The following CTBP2 variants were observed in gnomAD, a reference collection of about 807,000 sequenced individuals.
The protein encoded by CTBP2 is C-terminal binding protein 2.
Under a neutral mutation model 80.3 loss-of-function variants are expected in CTBP2, and 30 were observed. The ratio of observed to expected loss-of-function variants is 0.37; its 90% CI spans 0.28 to 0.51. The LOEUF (loss-of-function observed/expected upper bound fraction) is 0.51. Among genes scored for constraint, CTBP2 ranks in the 20% least tolerant of loss-of-function variants. The pLI, the probability that CTBP2 is intolerant of heterozygous loss-of-function variation, is 0.93. For missense variants in CTBP2, 1,212 were observed against 1,375.3 expected, an observed-to-expected ratio of 0.88 and a Z score of 1.88; for synonymous variants, 594 against 587.4, an observed-to-expected ratio of 1.01 and a Z score of -0.16.
intron 4 of CTBP2, chr10:124,997,161 T>C (rs1953729913): frequency 6.6e-6 from 1 of 152,228 alleles, no homozygotes; most frequent in South Asian, 2.1e-4. Flanking sequence ...ACATGCGCCT[T>C]CTTGGAGTCC....
chr10:125,035,057 C>T (rs1564764790), intron 3 of CTBP2, among the ~76,000 whole-genome samples: 1 of 152,202 alleles, frequency 6.6e-6, no homozygotes, highest in Non-Finnish European at 1.5e-5. Context: ...CAAGTTCAAC[C>T]CACTGAGAAG....
chr10:125,030,447 A>G (rs1958059200), upstream of CTBP2, among the ~76,000 whole-genome samples: 1 of 152,240 alleles, frequency 6.6e-6, no homozygotes, highest in Admixed American at 6.5e-5. Context: ...AGACAATTCC[A>G]GAGATGGATC....
At chr10:125,002,903 A>T (rs1432093079) in intron 3 of CTBP2, 57 bp downstream of exon 5, 5 of 1,596,440 alleles carry the variant, frequency 3.1e-6, no homozygotes, top group Non-Finnish European at 4.3e-6. Context: ...AGCCCACCCG[A>T]GCAGGGCCCA....
chr10:125,152,360 C>A (rs922200331), intron 1 of CTBP2, among the ~76,000 whole-genome samples: 3 of 152,246 alleles, frequency 2.0e-5, no homozygotes, highest in African/African-American at 7.2e-5. Context: ...GTGTGGCGGA[C>A]TGGCGCTCCC....
At chr10:125,021,757 G>C (rs1957059794) in intron 1 of CTBP2, among the ~76,000 whole-genome samples, 1 of 152,184 alleles carries the variant, frequency 6.6e-6, no homozygotes, top group Non-Finnish European at 1.5e-5. Flanking sequence ...TGAATGCAGG[G>C]AACACCGGGC....
Position 125,026,863 on chromosome 10 carries a change from C to A in CTBP2, c.897G>T (p.Ala299=). ...CCAGCGTGGCCTCTGCCAGCCCCTC[C>A]GCCCGCAGAAAGGCCAGGAACTCAG... The change falls in exon 1 of 9, where the codon GCG becomes GCT. Residue 299 remains alanine (A), a synonymous_variant. Coordinates refer to ENST00000309035, the MANE Select transcript of CTBP2 (RefSeq NM_022802.3). 6.2e-7 allele frequency: 1 copy of A among 1,613,804 alleles called. No homozygotes were observed. Among genetic ancestry groups the A allele is most frequent in the Middle Eastern group, 1.6e-4 (1 of 6,062 alleles).
chr10:125,026,059 G>A (rs1305954120), intron 1 of CTBP2: 1 of 1,540,714 alleles, frequency 6.5e-7, no homozygotes. Context: ...CCCCAGGCAG[G>A]GCAGGCGGGG....
intron 1 of CTBP2, among the ~76,000 whole-genome samples, chr10:125,113,227 G>A (rs1474475827): frequency 6.6e-6 from 1 of 152,194 alleles, no homozygotes; most frequent in Non-Finnish European, 1.5e-5. Context: ...AGTGACACAA[G>A]CATCTAACAG....
intron 2 of CTBP2, among the ~76,000 whole-genome samples, chr10:125,093,383 T>G (rs983226951): frequency 6.6e-6 from 1 of 152,198 alleles, no homozygotes; most frequent in African/African-American, 2.4e-5. Flanking sequence ...GAGAGAACAT[T>G]CTAGCCACTT....
At chr10:125,001,070 GA>G (rs1352154368) in intron 3 of CTBP2, 1 of 152,242 alleles carries the variant, frequency 6.6e-6, no homozygotes, top group East Asian at 1.9e-4. Flanking sequence ...AGAACTCAGG[GA>G]ACACAACCTC....
chr10:124,997,581 C>T (rs528965948), intron 4 of CTBP2: 8 of 262,086 alleles, frequency 3.1e-5, no homozygotes, highest in East Asian at 1.8e-4. Flanking sequence ...CTGAACCCTA[C>T]GCCAGCCCCT....
chr10:125,069,599 G>A (rs1845148574), intron 2 of CTBP2, among the ~76,000 whole-genome samples: 1 of 152,190 alleles, frequency 6.6e-6, no homozygotes, highest in Non-Finnish European at 1.5e-5. Flanking sequence ...CAGCCTGGGC[G>A]ACAGAGTGAG....
chr10:125,109,693 C>T (rs1283103834), intron 2 of CTBP2, among the ~76,000 whole-genome samples: 1 of 152,238 alleles, frequency 6.6e-6, no homozygotes, highest in East Asian at 1.9e-4. Flanking sequence ...CTGCTATGGC[C>T]TTTGGCCCAG....
chr10:125,005,776 C>G, intron 1 of CTBP2: 1 of 1,612,916 alleles, frequency 6.2e-7, no homozygotes, highest in African/African-American at 1.3e-5. Flanking sequence ...TCTGAGCGCA[C>G]AACCCTGTGG....
At chr10:125,057,680 C>A (rs1356774229) in intron 2 of CTBP2, among the ~76,000 whole-genome samples, 1 of 152,200 alleles carries the variant, frequency 6.6e-6, no homozygotes, top group Non-Finnish European at 1.5e-5. Flanking sequence ...CAAGAAGTTT[C>A]TCTGGAAAAA....
chr10:125,098,750 C>CAA (rs1850103307), intron 2 of CTBP2, among the ~76,000 whole-genome samples: 835 of 75,464 alleles, frequency 0.011, 46 homozygotes, highest in African/African-American at 0.035. Flanking sequence ...GAGAGAGAGA[C>CAA]AGAGAGAGAG....
At chr10:125,077,343 AAGAGTTGGTTTCTGC>A (rs1238275779) in intron 2 of CTBP2, among the ~76,000 whole-genome samples, 11 of 151,946 alleles carry the variant, frequency 7.2e-5, no homozygotes, top group South Asian at 4.2e-4. Context: ...TGAGCTGGGG[AAGAGTTGGTTTCTGC>A]AGAGTTGGTT....
At chr10:125,078,096 C>T (rs531271474) in intron 2 of CTBP2, among the ~76,000 whole-genome samples, 1 of 152,034 alleles carries the variant, frequency 6.6e-6, no homozygotes, top group Non-Finnish European at 1.5e-5. Flanking sequence ...CTGGCTAACA[C>T]GGTGAAACCC....
intron 2 of CTBP2, among the ~76,000 whole-genome samples, chr10:125,083,457 C>T (rs966225733): frequency 2.0e-5 from 3 of 152,168 alleles, no homozygotes; most frequent in African/African-American, 4.8e-5. Context: ...TGCAGACCCC[C>T]GACCTGGGCG....
Sources: allele counts gnomAD v4.1 joint callset (sites outside exome capture counted in the v4.1 genomes callset), GRCh38; gene constraint gnomAD v4.1.1; transcripts MANE v1.5; gene names NCBI Gene and HGNC (gene_info 2026-07-23, HGNC 2026-07-21).